TBCE: variants seen among roughly 807,000 people sequenced by gnomAD.
The protein encoded by TBCE is tubulin-specific chaperone E.
In TBCE, 53 loss-of-function variants were observed where a neutral mutation model predicts 77.0. The observed-to-expected ratio is 0.69, with a 90% confidence interval of 0.55 to 0.87. TBCE has a LOEUF of 0.87. Among genes scored for constraint, TBCE ranks in the 40% least tolerant of loss-of-function variants. The pLI is 0.00. For synonymous variants in TBCE, 235 were observed against 241.3 expected, an observed-to-expected ratio of 0.97 and a Z score of 0.24; for missense variants, 624 against 622.4, an observed-to-expected ratio of 1.00 and a Z score of -0.03.
At chr1:235,427,645 A>G (rs75213729) in intron 6 of TBCE, among the ~76,000 whole-genome samples, 3,445 of 152,254 alleles carry the variant, frequency 0.023, 141 homozygotes, top group African/African-American at 0.078. Context: ...TGGGGTGGCC[A>G]GCCTTTCCTG....
In TBCE at chr1:235,449,428, A is replaced by C. The variant is rs1230002114; in HGVS notation, c.*666A>C. 6.5e-6 allele frequency: 1 copy of C among 153,462 alleles called. No individual in the cohort carries two copies. Among genetic ancestry groups the C allele is most frequent in the Non-Finnish European group, 1.4e-5 (1 of 68,978 alleles). 9.5% of individuals were successfully genotyped at this position (153,462 alleles called of 1,614,324 possible). Reference sequence around the variant, plus strand: ...TTCAAAATGTCAACAAAATTTAGAAATATCCTTCCCGATGGCACTAAAACC... The same window carrying C: ...TTCAAAATGTCAACAAAATTTAGAACTATCCTTCCCGATGGCACTAAAACC... On this transcript the variant is annotated 3_prime_UTR_variant, in exon 17 of 17. Transcript: ENST00000642610.
intron 1 of TBCE, among the ~76,000 whole-genome samples, chr1:235,373,616 GTATTTTTATTTTTATT>G (rs1235579175): frequency 1.2e-4 from 16 of 130,952 alleles, no homozygotes; most frequent in African/African-American, 3.3e-4. Flanking sequence ...GCTAATTTTT[GTATTTTTATTTTTATT>G]TATTTTTATT....
At chr1:235,373,734 C>T (rs1373034013) in intron 1 of TBCE, among the ~76,000 whole-genome samples, 4 of 151,322 alleles carry the variant, frequency 2.6e-5, no homozygotes, top group African/African-American at 4.9e-5. Flanking sequence ...CTGCAAGCTC[C>T]GCCTCCCGGG....
chr1:235,420,836 G>C (rs1301882706), intron 5 of TBCE, among the ~76,000 whole-genome samples: 3 of 152,100 alleles, frequency 2.0e-5, no homozygotes, highest in African/African-American at 7.2e-5. Flanking sequence ...ACATTGGCGA[G>C]GCTGGTCACG....
rs1339227179 is a variant in TBCE at position 235,436,574 on chromosome 1, A to G, written c.929A>G (p.Lys310Arg). The change falls in exon 11 of 17, where the codon AAG becomes AGG. Residue 310 changes from lysine to arginine, a missense_variant. Lys to Arg is a conservative substitution (Grantham distance 26). Coordinates refer to ENST00000642610, the MANE Select transcript of TBCE (RefSeq NM_003193.5). The part of the protein sequence containing the change: ...GCKTSMFPSL[K>R]YLVVNDNQIS... ...AAAACGTCCATGTTCCCATCCTTGA[A>G]GTACCTGGTAGTAAACGACAATCAG... is the stretch of plus-strand genomic sequence containing the variant. The G allele has an allele frequency of 1.2e-5, 20 of 1,613,942 alleles. No individual in the cohort carries two copies. The highest frequency in any genetic ancestry group is 1.7e-5 in the Non-Finnish European group (20 of 1,179,970).
chr1:235,370,425 G>C (rs1181718166), intron 1 of TBCE, among the ~76,000 whole-genome samples: 1 of 151,276 alleles, frequency 6.6e-6, no homozygotes, highest in Non-Finnish European at 1.5e-5. Flanking sequence ...GCTAATTTTT[G>C]TATTTTTAGT....
intron 2 of TBCE, among the ~76,000 whole-genome samples, chr1:235,388,140 C>G (rs908321959): frequency 3.3e-5 from 5 of 152,062 alleles, no homozygotes. Flanking sequence ...TTGAATATTC[C>G]AATAACAACC....
At chr1:235,412,633 T>C (rs2102879670) in intron 3 of TBCE, among the ~76,000 whole-genome samples, 1 of 152,014 alleles carries the variant, frequency 6.6e-6, no homozygotes, top group South Asian at 2.1e-4. Flanking sequence ...AGTTTCTAAC[T>C]CCCTCCTGGC....
chr1:235,420,544 G>A (rs1276189932), intron 5 of TBCE, among the ~76,000 whole-genome samples: 5 of 147,492 alleles, frequency 3.4e-5, no homozygotes, highest in South Asian at 2.1e-4. Flanking sequence ...GTGCAGTGGC[G>A]TGATCTCAGC....
chr1:235,398,900 C>T (rs1224529475), intron 2 of TBCE, among the ~76,000 whole-genome samples: 1 of 151,942 alleles, frequency 6.6e-6, no homozygotes, highest in Non-Finnish European at 1.5e-5. Flanking sequence ...CAGTCTTGGC[C>T]TCCCAAAGTG....
intron 8 of TBCE, among the ~76,000 whole-genome samples, chr1:235,434,778 G>A (rs953725845): frequency 1.3e-4 from 20 of 152,032 alleles, no homozygotes; most frequent in Non-Finnish European, 2.9e-4. Flanking sequence ...GGCTGGTCTC[G>A]AACTCCTGAC....
chr1:235,421,648 G>T (rs2102895973), intron 5 of TBCE, among the ~76,000 whole-genome samples: 1 of 152,232 alleles, frequency 6.6e-6, no homozygotes, highest in Middle Eastern at 3.4e-3. Context: ...GGCGGAGGTT[G>T]CAGTGAGTGA....
intron 13 of TBCE, among the ~76,000 whole-genome samples, chr1:235,439,653 A>G (rs1681709378): frequency 6.7e-6 from 1 of 150,118 alleles, no homozygotes; most frequent in African/African-American, 2.4e-5. Flanking sequence ...ACGCCCGACT[A>G]ATTTTTGTAT....
Position 235,373,358 on chromosome 1 carries a change from G to A in TBCE, c.-32+5854G>A, listed in dbSNP as rs77122274. On this transcript the variant is annotated intron_variant, in intron 1 of 16. Coordinates refer to ENST00000642610, the MANE Select transcript of TBCE (RefSeq NM_003193.5). ...CGGAAGATGGTAGTAAATCAGAAAT[G>A]GCTTTGGAATTTCTTTCATTGCAAC... Among the ~76,000 whole-genome samples the A allele has an allele frequency of 8.9e-3, 1,348 of 152,148 alleles. 17 individuals are homozygous for A. Among genetic ancestry groups the A allele is most frequent in the African/African-American group, 0.031 (1,304 of 41,522 alleles).
At chr1:235,440,136 A>G (rs543699420) in intron 13 of TBCE, among the ~76,000 whole-genome samples, 1 of 151,638 alleles carries the variant, frequency 6.6e-6, no homozygotes, top group Non-Finnish European at 1.5e-5. Context: ...ACACCCGGCT[A>G]ATTTTTTGTA....
Position 235,448,427 on chromosome 1 carries a change from A to T in TBCE, c.1478A>T (p.Tyr493Phe). 6.2e-7 allele frequency: 1 copy of T among 1,614,094 alleles called. No individual in the cohort carries two copies. Among genetic ancestry groups the T allele is most frequent in the East Asian group, 2.2e-5 (1 of 44,874 alleles). Reference protein sequence around the residue: ...KVPVSDLLLSYESPKKPGREI... With the variant: ...KVPVSDLLLSFESPKKPGREI... ...CCTGTGTCAGACCTTCTGTTGTCCT[A>T]TGAAAGTCCCAAAGTAAGTTGCCCA... is the stretch of plus-strand genomic sequence containing the variant. The change falls in exon 16 of 17, where the codon TAT becomes TTT. Residue 493 changes from tyrosine to phenylalanine, a missense_variant. Physicochemically the swap from Tyr to Phe is conservative, Grantham distance 22 (BLOSUM62 3). Coordinates refer to ENST00000642610, the MANE Select transcript of TBCE (RefSeq NM_003193.5).
At chr1:235,382,909 G>T (rs1417398408) in intron 2 of TBCE, among the ~76,000 whole-genome samples, 3 of 151,078 alleles carry the variant, frequency 2.0e-5, no homozygotes, top group African/African-American at 7.3e-5. Context: ...GTCCTGAATG[G>T]TATTGCCTAG....
chr1:235,406,634 C>T (rs1229158049), intron 3 of TBCE, among the ~76,000 whole-genome samples: 3 of 151,252 alleles, frequency 2.0e-5, no homozygotes, highest in Non-Finnish European at 2.9e-5. Flanking sequence ...CGGGTCCAAG[C>T]GATTCTCCTG....
rs765598812 is a variant in TBCE at position 235,448,380 on chromosome 1, G to A, written c.1431G>A (p.Leu477=). Reference sequence around the variant, plus strand: ...TGACAATTCAAAAGGTGAAGGGATTGCTGTCACGTCTTCTCAAAGTTCCTG... The same window carrying A: ...TGACAATTCAAAAGGTGAAGGGATTACTGTCACGTCTTCTCAAAGTTCCTG... ...GSMTIQKVKG[L]LSRLLKVPVS... Residue 477 remains leucine, a synonymous_variant, in exon 16 of 17, where the codon TTG becomes TTA. Coordinates refer to ENST00000642610, the MANE Select transcript of TBCE (RefSeq NM_003193.5). The A allele has an allele frequency of 1.9e-6, 3 of 1,614,186 alleles. No homozygotes were observed. The highest frequency in any genetic ancestry group is 2.5e-6 in the Non-Finnish European group (3 of 1,180,024).
Sources: gnomAD v4.1 joint callset for allele counts (sites outside exome capture counted in the v4.1 genomes callset) on GRCh38, gnomAD v4.1.1 for gene constraint, MANE v1.5 for transcripts, NCBI Gene and HGNC (gene_info 2026-07-23, HGNC 2026-07-21) for gene names.